Variants in IMMP2L observed in about 807,000 individuals in gnomAD.
The protein encoded by IMMP2L is mitochondrial inner membrane protease subunit 2.
A neutral mutation model predicts 19.3 loss-of-function variants in IMMP2L; 18 were observed. That is an observed-to-expected ratio of 0.93 (90% CI 0.64 to 1.38). IMMP2L has a LOEUF of 1.38. Among genes scored for constraint, IMMP2L ranks in the 40% most tolerant of loss-of-function variants. IMMP2L has a pLI of 0.00. For missense variants in IMMP2L, 233 were observed against 218.2 expected, an observed-to-expected ratio of 1.07 and a Z score of -0.43; for synonymous variants, 76 against 73.0, an observed-to-expected ratio of 1.04 and a Z score of -0.21.
intron 3 of IMMP2L, among the ~76,000 whole-genome samples, chr7:111,384,102 C>A (rs1831472420): frequency 6.6e-6 from 1 of 151,818 alleles, no homozygotes; most frequent in African/African-American, 2.4e-5. Flanking sequence ...CATAACTATA[C>A]CAGTGCACTC....
At chr7:111,069,413 G>A (rs1794769696) in intron 3 of IMMP2L, among the ~76,000 whole-genome samples, 2 of 152,170 alleles carry the variant, frequency 1.3e-5, no homozygotes, top group South Asian at 4.1e-4. Flanking sequence ...AGGACATAAA[G>A]AGAACTGAAA....
chr7:111,558,720 C>T (rs1437344027), intron 1 of IMMP2L, among the ~76,000 whole-genome samples: 2 of 152,090 alleles, frequency 1.3e-5, no homozygotes, highest in African/African-American at 2.4e-5. Flanking sequence ...TACAGTACCA[C>T]TAATATATAA....
intron 3 of IMMP2L, among the ~76,000 whole-genome samples, chr7:111,398,882 C>CAA (rs756718840): frequency 3.2e-4 from 33 of 104,760 alleles, no homozygotes; most frequent in African/African-American, 9.9e-4. Context: ...ACAATAGCTG[C>CAA]AAAAAAAAAA....
chr7:111,002,835 T>C (rs1290963198), intron 3 of IMMP2L, among the ~76,000 whole-genome samples: 1 of 152,144 alleles, frequency 6.6e-6, no homozygotes, highest in Non-Finnish European at 1.5e-5. Flanking sequence ...TTACCACACT[T>C]GTAGTCTGTT....
chr7:111,249,232 T>C (rs1815757644), intron 3 of IMMP2L, among the ~76,000 whole-genome samples: 1 of 95,874 alleles, frequency 1.0e-5, no homozygotes. Flanking sequence ...GGTGCGCCGT[T>C]TCTTAAGCCG....
intron 5 of IMMP2L, among the ~76,000 whole-genome samples, chr7:110,819,056 A>T (rs1584928226): frequency 6.6e-6 from 1 of 151,836 alleles, no homozygotes. Flanking sequence ...ACATGTATAC[A>T]TATGTAACAA....
intron 4 of IMMP2L, among the ~76,000 whole-genome samples, chr7:110,959,213 A>T (rs1818678185): frequency 6.6e-6 from 1 of 151,956 alleles, no homozygotes; most frequent in Non-Finnish European, 1.5e-5. Flanking sequence ...TCTTTCCAAG[A>T]AAATATTTTT....
intron 5 of IMMP2L, among the ~76,000 whole-genome samples, chr7:110,792,845 T>C (rs1197276917): frequency 6.6e-6 from 1 of 152,014 alleles, no homozygotes; most frequent in Admixed American, 6.6e-5. Flanking sequence ...CTCCACCTAG[T>C]CATCTCCCCC....
At chr7:111,363,732 G>A (rs1463845093) in intron 3 of IMMP2L, among the ~76,000 whole-genome samples, 2 of 151,840 alleles carry the variant, frequency 1.3e-5, no homozygotes, top group African/African-American at 4.8e-5. Flanking sequence ...AACCTTCAAG[G>A]TATCTCCAAA....
rs142599095 is a variant in IMMP2L at position 111,017,356 on chromosome 7, G to A, written c.240-53791C>T. On this transcript the variant is annotated intron_variant, in intron 3 of 5. Coordinates refer to ENST00000405709, the MANE Select transcript of IMMP2L (RefSeq NM_032549.4). ...TGGGATTACAGATGTGAGCCACTGC[G>A]CCCAGCCTTGTTATTTTTAACTCCA... 9.7e-3 allele frequency among the ~76,000 whole-genome samples: 1,474 copies of A among 152,004 alleles called. 37 individuals carry two copies. Among genetic ancestry groups the A allele is most frequent in the Admixed American group, 0.045 (681 of 15,224 alleles).
intron 4 of IMMP2L, among the ~76,000 whole-genome samples, chr7:110,887,665 T>G (rs1810359489): frequency 6.6e-6 from 1 of 150,504 alleles, no homozygotes; most frequent in Admixed American, 6.6e-5. Context: ...TACAACCAAC[T>G]AAACGAAAGA....
At chr7:110,913,936 G>C (rs1295213153) in intron 4 of IMMP2L, among the ~76,000 whole-genome samples, 1 of 152,120 alleles carries the variant, frequency 6.6e-6, no homozygotes, top group Non-Finnish European at 1.5e-5. Flanking sequence ...CTCAGGTAAA[G>C]TTTTCTCAGG....
chr7:110,794,870 AT>A (rs1800755185), intron 5 of IMMP2L, among the ~76,000 whole-genome samples: 1 of 152,106 alleles, frequency 6.6e-6, no homozygotes. Flanking sequence ...TTAATAAATA[AT>A]GACTAGATAT....
At chr7:111,271,608 C>CAAA (rs1818478392) in intron 3 of IMMP2L, among the ~76,000 whole-genome samples, 1 of 152,054 alleles carries the variant, frequency 6.6e-6, no homozygotes, top group Non-Finnish European at 1.5e-5. Flanking sequence ...GTCTAAATTC[C>CAAA]AAACATCCAA....
chr7:111,020,017 A>G (rs1363860819), intron 3 of IMMP2L, among the ~76,000 whole-genome samples: 1 of 151,488 alleles, frequency 6.6e-6, no homozygotes, highest in Non-Finnish European at 1.5e-5. Context: ...ATATTCACTT[A>G]CTCAACAGAC....
intron 3 of IMMP2L, among the ~76,000 whole-genome samples, chr7:111,453,880 T>C (rs1010549337): frequency 1.3e-5 from 2 of 152,208 alleles, no homozygotes; most frequent in African/African-American, 4.8e-5. Context: ...AATAAGTTAA[T>C]GGATCAATGA....
At chr7:111,472,246 C>T (rs1027015264) in intron 3 of IMMP2L, among the ~76,000 whole-genome samples, 9 of 151,838 alleles carry the variant, frequency 5.9e-5, no homozygotes, top group African/African-American at 1.9e-4. Context: ...AAGAGAATAT[C>T]CTCCTTTCAA....
rs1456047802 is a variant in IMMP2L at position 111,311,514 on chromosome 7, G to A, written c.239+175724C>T. Among the ~76,000 whole-genome samples the A allele has an allele frequency of 3.9e-5, 6 of 152,044 alleles. 1 individual carries two copies. Among genetic ancestry groups the A allele is most frequent in the African/African-American group, 7.2e-5 (3 of 41,416 alleles). ...CTTTCCACAATGTACAATCATCCTG[G>A]TAAATGACTGAGATCACACTGGGGA... On this transcript the variant is annotated intron_variant, in intron 3 of 5. Transcript: ENST00000405709.
chr7:111,391,809 G>A (rs1167197861), intron 3 of IMMP2L: 1 of 696,102 alleles, frequency 1.4e-6, no homozygotes, highest in African/African-American at 1.8e-5. Flanking sequence ...CTGAATAGAG[G>A]TCCTTAATAT....
Sources: allele counts gnomAD v4.1 joint callset (sites outside exome capture counted in the v4.1 genomes callset), GRCh38; gene constraint gnomAD v4.1.1; transcripts MANE v1.5; gene names NCBI Gene and HGNC (gene_info 2026-07-23, HGNC 2026-07-21).